ZBTB20: variants seen among roughly 807,000 people sequenced by gnomAD.
ZBTB20 encodes the protein zinc finger and BTB domain-containing protein 20.
Under a neutral mutation model 56.9 loss-of-function variants are expected in ZBTB20, and 9 were observed. The observed-to-expected ratio is 0.16, with a 90% CI of 0.10 to 0.28. ZBTB20 has a LOEUF of 0.28. ZBTB20 is among the 10% of genes least tolerant of loss of function. The pLI, the probability that ZBTB20 is intolerant of heterozygous loss-of-function variation, is 1.00. For missense variants in ZBTB20, 655 were observed against 1,003.0 expected, an observed-to-expected ratio of 0.65 and a Z score of 4.69; for synonymous variants, 417 against 420.7, an observed-to-expected ratio of 0.99 and a Z score of 0.11.
In ZBTB20 at chr3:114,515,341, A is replaced by C. The variant is rs143162113; in HGVS notation, c.-294-14950T>G. On this transcript the variant is annotated intron_variant, in intron 6 of 11. Transcript: ENST00000675478. ...ACCCACCAGCTCCATCAATTCCCTC[A>C]TCTACAGTTCTCAACTGTATTTACC... 6.8e-3 allele frequency among the ~76,000 whole-genome samples: 1,039 copies of C among 152,226 alleles called. 9 individuals are homozygous for C. Among genetic ancestry groups the C allele is most frequent in the Non-Finnish European group, 9.5e-3 (649 of 68,006 alleles).
intron 5 of ZBTB20, among the ~76,000 whole-genome samples, chr3:114,756,086 A>C (rs1025965148): frequency 6.6e-6 from 1 of 152,018 alleles, no homozygotes; most frequent in African/African-American, 2.4e-5. Flanking sequence ...TGCTGCAATC[A>C]TGTATTTATG....
chr3:115,143,660 T>A (rs1279849124), intron 1 of ZBTB20, among the ~76,000 whole-genome samples: 5 of 152,228 alleles, frequency 3.3e-5, no homozygotes, highest in Non-Finnish European at 7.3e-5. Flanking sequence ...AATTTTATAG[T>A]AACTTTCAAG....
intron 7 of ZBTB20, among the ~76,000 whole-genome samples, chr3:114,489,647 G>A (rs1232219003): frequency 6.6e-6 from 1 of 151,958 alleles, no homozygotes; most frequent in Non-Finnish European, 1.5e-5. Flanking sequence ...TCTGTGTAGT[G>A]GAATTATGGA....
intron 4 of ZBTB20, among the ~76,000 whole-genome samples, chr3:114,879,391 A>G (rs1421947454): frequency 6.6e-6 from 1 of 152,192 alleles, no homozygotes; most frequent in African/African-American, 2.4e-5. Flanking sequence ...AACAGCATTT[A>G]AAAGAAATAA....
At chr3:114,685,149 C>A (rs1391432019) in intron 6 of ZBTB20, among the ~76,000 whole-genome samples, 1 of 152,116 alleles carries the variant, frequency 6.6e-6, no homozygotes, top group Non-Finnish European at 1.5e-5. Context: ...ATCTGTTCAT[C>A]CCGCTATAGG....
intron 6 of ZBTB20, among the ~76,000 whole-genome samples, chr3:114,540,357 C>T (rs942144741): frequency 6.6e-6 from 1 of 152,010 alleles, no homozygotes; most frequent in Admixed American, 6.6e-5. Flanking sequence ...GGCATTACAT[C>T]CATAAGCAGA....
intron 10 of ZBTB20, among the ~76,000 whole-genome samples, chr3:114,372,683 A>C (rs575533862): frequency 3.3e-5 from 5 of 150,180 alleles, no homozygotes; most frequent in Admixed American, 6.6e-5. Flanking sequence ...CAAACAAAAA[A>C]CCCCCCAAAA....
At chr3:114,692,704 A>C (rs1435841084) in intron 6 of ZBTB20, among the ~76,000 whole-genome samples, 2 of 152,082 alleles carry the variant, frequency 1.3e-5, no homozygotes, top group African/African-American at 4.8e-5. Context: ...CTGATTGGAT[A>C]ATACTTTATC....
chr3:114,352,908 C>G (rs1378310605), intron 10 of ZBTB20, among the ~76,000 whole-genome samples: 1 of 152,150 alleles, frequency 6.6e-6, no homozygotes, highest in Non-Finnish European at 1.5e-5. Context: ...TATTAAACAG[C>G]TCCCAGGAGG....
At chr3:115,090,111 G>T (rs993123500) in intron 1 of ZBTB20, among the ~76,000 whole-genome samples, 5 of 151,764 alleles carry the variant, frequency 3.3e-5, no homozygotes, top group African/African-American at 1.2e-4. Context: ...AGATATGTGG[G>T]AGTAGAACCT....
intron 5 of ZBTB20, among the ~76,000 whole-genome samples, chr3:114,787,366 T>TATATATATAC (rs1278656494): frequency 1.2e-5 from 1 of 82,900 alleles, no homozygotes; most frequent in South Asian, 4.4e-4. Context: ...TATATATATA[T>TATATATATAC]ATACACACAC....
intron 6 of ZBTB20, among the ~76,000 whole-genome samples, chr3:114,691,057 A>G (rs2062671565): frequency 1.3e-5 from 2 of 152,200 alleles, no homozygotes; most frequent in African/African-American, 4.8e-5. Flanking sequence ...AAACCTAGCC[A>G]AATCTGTGAA....
chr3:114,769,405 T>C lies in ZBTB20; in HGVS notation c.-343+31696A>G, dbSNP rs886544448. On this transcript the variant is annotated intron_variant, in intron 5 of 11. Coordinates refer to ENST00000675478, the MANE Select transcript of ZBTB20 (RefSeq NM_001348800.3). ...CACACACTATCATACATATATACTA[T>C]ATACATACTATTCCATCATATATAT... Among the ~76,000 whole-genome samples, 3 of 151,448 alleles carry C rather than the reference T, an allele frequency of 2.0e-5. No individual in the cohort carries two copies. In the East Asian group the frequency reaches 5.8e-4, roughly 29 times the overall value.
intron 10 of ZBTB20, chr3:114,357,239 C>T (rs2081347987): frequency 6.6e-6 from 1 of 152,140 alleles, no homozygotes; most frequent in South Asian, 2.1e-4. Context: ...TAACAGAATT[C>T]TTCACATAAA....
chr3:114,863,603 G>A (rs1016796117), intron 4 of ZBTB20, among the ~76,000 whole-genome samples: 1 of 151,976 alleles, frequency 6.6e-6, no homozygotes, highest in African/African-American at 2.4e-5. Flanking sequence ...ACAATAACAT[G>A]GCCTACCTCT....
chr3:114,796,500 A>G (rs956209075), intron 5 of ZBTB20, among the ~76,000 whole-genome samples: 2 of 151,988 alleles, frequency 1.3e-5, no homozygotes, highest in African/African-American at 4.8e-5. Context: ...CTATATTAGG[A>G]AAGTTAATGG....
chr3:115,025,228 G>A (rs2080372185), intron 2 of ZBTB20, among the ~76,000 whole-genome samples: 1 of 151,338 alleles, frequency 6.6e-6, no homozygotes, highest in South Asian at 2.1e-4. Context: ...AGTTCGCTAA[G>A]GCTAACGGCT....
At chr3:115,056,841 G>A (rs966134026) in intron 2 of ZBTB20, among the ~76,000 whole-genome samples, 1 of 152,058 alleles carries the variant, frequency 6.6e-6, no homozygotes, top group African/African-American at 2.4e-5. Context: ...AAAAGGAAGA[G>A]CAAAGAAGTA....
chr3:114,631,725 T>C (rs1282539858), intron 6 of ZBTB20, among the ~76,000 whole-genome samples: 1 of 152,172 alleles, frequency 6.6e-6, no homozygotes, highest in Non-Finnish European at 1.5e-5. Flanking sequence ...AAATACATAT[T>C]TAGAAATTTT....
Sources: gnomAD v4.1 joint callset for allele counts (sites outside exome capture counted in the v4.1 genomes callset) on GRCh38, gnomAD v4.1.1 for gene constraint, MANE v1.5 for transcripts, NCBI Gene and HGNC (gene_info 2026-07-23, HGNC 2026-07-21) for gene names.